KCNMA1: variants seen among roughly 807,000 people sequenced by gnomAD.
The protein encoded by KCNMA1 is potassium calcium-activated channel subfamily M alpha 1.
In KCNMA1, 29 loss-of-function variants were observed where a neutral mutation model predicts 140.0. The observed-to-expected ratio is 0.21, with a 90% confidence interval of 0.15 to 0.28. KCNMA1 has a LOEUF of 0.28. Among genes scored for constraint, KCNMA1 ranks in the 10% least tolerant of loss-of-function variants. The pLI is 1.00. For missense variants in KCNMA1, 880 were observed against 1,602.2 expected, an observed-to-expected ratio of 0.55 and a Z score of 7.70; for synonymous variants, 612 against 611.9, an observed-to-expected ratio of 1.00 and a Z score of 0.00.
intron 1 of KCNMA1, among the ~76,000 whole-genome samples, chr10:77,455,504 A>C (rs1172545644): frequency 1.3e-5 from 2 of 152,098 alleles, no homozygotes; most frequent in Non-Finnish European, 1.5e-5. Context: ...TCCTTCTCCG[A>C]GTCCACTCAC....
intron 3 of KCNMA1, among the ~76,000 whole-genome samples, chr10:77,195,731 T>A (rs1255301419): frequency 6.6e-6 from 1 of 151,998 alleles, no homozygotes; most frequent in Admixed American, 6.6e-5. Flanking sequence ...GGTGGATCAC[T>A]TAAAGTCAGG....
At chr10:77,320,723 C>A (rs1296883987) in intron 2 of KCNMA1, among the ~76,000 whole-genome samples, 1 of 152,308 alleles carries the variant, frequency 6.6e-6, no homozygotes, top group East Asian at 1.9e-4. Context: ...TGATGTAACT[C>A]TAGCCTAGGA....
chr10:77,422,781 T>C (rs1163404722), intron 1 of KCNMA1, among the ~76,000 whole-genome samples: 1 of 152,028 alleles, frequency 6.6e-6, no homozygotes, highest in South Asian at 2.1e-4. Context: ...GAGACTGGAG[T>C]GGTGGCTGCA....
chr10:77,057,911 T>G (rs1379854825), intron 14 of KCNMA1, among the ~76,000 whole-genome samples: 4 of 151,752 alleles, frequency 2.6e-5, no homozygotes, highest in Non-Finnish European at 5.9e-5. Context: ...AATCCAAACA[T>G]ATAAATAATA....
At chr10:77,061,361 C>A (rs948474582) in intron 14 of KCNMA1, among the ~76,000 whole-genome samples, 3 of 152,106 alleles carry the variant, frequency 2.0e-5, no homozygotes, top group African/African-American at 7.2e-5. Context: ...ATGGACCCAG[C>A]ACTTCACCAA....
At chr10:77,005,456 G>A (rs1215507400) in intron 18 of KCNMA1, among the ~76,000 whole-genome samples, 1 of 152,174 alleles carries the variant, frequency 6.6e-6, no homozygotes, top group East Asian at 1.9e-4. Context: ...TGGCAAGTGT[G>A]AACACCAAAG....
intron 2 of KCNMA1, among the ~76,000 whole-genome samples, chr10:77,374,224 C>T (rs1162109671): frequency 6.6e-6 from 1 of 152,190 alleles, no homozygotes; most frequent in Non-Finnish European, 1.5e-5. Flanking sequence ...GAGCTGCAAA[C>T]AACCATGGCG....
intron 5 of KCNMA1, among the ~76,000 whole-genome samples, chr10:77,179,712 C>T (rs937331911): frequency 6.6e-6 from 1 of 152,074 alleles, no homozygotes; most frequent in East Asian, 1.9e-4. Context: ...GGAATGCACC[C>T]CTCCCACCAC....
At chr10:77,218,324 C>A (rs1324069825) in intron 3 of KCNMA1, among the ~76,000 whole-genome samples, 2 of 152,250 alleles carry the variant, frequency 1.3e-5, no homozygotes, top group East Asian at 3.9e-4. Context: ...CATTTAAAAC[C>A]ATACAGGTTT....
At chr10:76,999,711 AG>A (rs766663446) in intron 19 of KCNMA1, among the ~76,000 whole-genome samples, 15 of 152,308 alleles carry the variant, frequency 9.8e-5, no homozygotes, top group Non-Finnish European at 2.2e-4. Context: ...AATCTTTCCA[AG>A]ATTTTAGGCC....
chr10:76,943,843 A>T (rs556273586), intron 23 of KCNMA1, among the ~76,000 whole-genome samples: 69 of 152,234 alleles, frequency 4.5e-4, no homozygotes, highest in African/African-American at 1.5e-3. Flanking sequence ...GATGGGGAGG[A>T]GGTCAGACAC....
intron 2 of KCNMA1, among the ~76,000 whole-genome samples, chr10:77,313,637 A>G (rs547494086): frequency 1.3e-5 from 2 of 152,196 alleles, no homozygotes; most frequent in Non-Finnish European, 2.9e-5. Context: ...AAACCTAATC[A>G]GTGTCCCTGT....
intron 1 of KCNMA1, among the ~76,000 whole-genome samples, chr10:77,483,517 G>A (rs752752062): frequency 6.6e-5 from 10 of 152,302 alleles, no homozygotes; most frequent in Non-Finnish European, 1.0e-4. Context: ...AACTGGGGTG[G>A]AGGGCTCTCT....
chr10:77,500,226 C>G (rs2043375558), intron 1 of KCNMA1, among the ~76,000 whole-genome samples: 1 of 150,700 alleles, frequency 6.6e-6, no homozygotes, highest in Non-Finnish European at 1.5e-5. Context: ...GTGTGGTACA[C>G]ATTATATATA....
rs2086464312 is a variant in KCNMA1 at position 77,001,568 on chromosome 10, A to G, written c.2105T>C (p.Ile702Thr). Reference protein sequence around the residue: ...KCGCKRPKMSIYKRMRRACCF... With the variant: ...KCGCKRPKMSTYKRMRRACCF... The stretch of plus-strand genomic sequence containing the variant: ...ACATGCCCGTCTCATTCTCTTGTAG[A>G]TGGACATCTTGGCTATAACCGTGTG... Residue 702 changes from isoleucine (I) to threonine (T), a missense_variant, in exon 19 of 28, where the codon ATC (isoleucine) becomes ACC (threonine). Transcript: ENST00000286628. The G allele has an allele frequency of 6.4e-7, 1 of 1,551,774 alleles. No individual in the cohort carries two copies. The highest frequency in any genetic ancestry group is 2.4e-5 in the East Asian group (1 of 40,916).
intron 1 of KCNMA1, among the ~76,000 whole-genome samples, chr10:77,511,390 C>G (rs1005077071): frequency 3.3e-5 from 5 of 152,208 alleles, no homozygotes; most frequent in African/African-American, 4.8e-5. Flanking sequence ...CATCCATTCT[C>G]TTCTGGGACA....
rs116995603 is a variant in KCNMA1 at position 77,207,830 on chromosome 10, G to A, written c.603-22914C>T. On this transcript the variant is annotated intron_variant, in intron 3 of 27. Coordinates refer to ENST00000286628, the MANE Select transcript of KCNMA1 (RefSeq NM_001161352.2). ...TTAACTAGGTAAAATGCCTTTGTAA[G>A]ACTCTGATGTTAGTCCCTGCTGACA... 2.4e-3 allele frequency among the ~76,000 whole-genome samples: 365 copies of A among 152,314 alleles called. 1 individual carries two copies. The highest frequency in any genetic ancestry group is 3.7e-3 in the Non-Finnish European group (251 of 68,028).
In KCNMA1 at chr10:77,239,588, C is replaced by G. The variant is rs183448739; in HGVS notation, c.602+11607G>C. Among the ~76,000 whole-genome samples the G allele has an allele frequency of 6.9e-3, 1,053 of 152,264 alleles. 9 individuals are homozygous for G. The highest frequency in any genetic ancestry group is 9.6e-3 in the Non-Finnish European group (655 of 68,024). On this transcript the variant is annotated intron_variant, in intron 3 of 27. Transcript: ENST00000286628. Reference sequence around the variant, plus strand: ...GGTAAAAGGTGGTGTGAGTGTCTTCCACGGGGAAAAGAGACTGATGAGGCA... The same window carrying G: ...GGTAAAAGGTGGTGTGAGTGTCTTCGACGGGGAAAAGAGACTGATGAGGCA...
chr10:77,126,765 G>A (rs2097751016), intron 5 of KCNMA1, among the ~76,000 whole-genome samples: 2 of 138,394 alleles, frequency 1.4e-5, no homozygotes, highest in African/African-American at 5.5e-5. Context: ...GGCTGATGTA[G>A]GGACAAAGGT....
Sources: gnomAD v4.1 joint callset for allele counts (sites outside exome capture counted in the v4.1 genomes callset) on GRCh38, gnomAD v4.1.1 for gene constraint, MANE v1.5 for transcripts, NCBI Gene and HGNC (gene_info 2026-07-23, HGNC 2026-07-21) for gene names.